Variants in UBOX5 observed in about 807,000 individuals in gnomAD.
UBOX5 encodes the protein U-box domain containing 5, also known as RING finger protein 37.
UBOX5 carries 28 observed loss-of-function variants against 39.0 expected under a neutral mutation model. That is an observed-to-expected ratio of 0.72 (90% CI 0.53 to 0.98). The LOEUF (loss-of-function observed/expected upper bound fraction) is 0.98, where lower values mean the gene tolerates loss of function less well. UBOX5 is among the 50% of genes least tolerant of loss of function. The probability of loss-of-function intolerance (pLI) is 0.00; values close to 1 mark genes in which losing one functional copy is unlikely to be tolerated. For synonymous variants in UBOX5, 283 were observed against 275.5 expected, an observed-to-expected ratio of 1.03 and a Z score of -0.27; for missense variants, 585 against 674.4, an observed-to-expected ratio of 0.87 and a Z score of 1.47.
intron 1 of UBOX5, chr20:3,147,808 T>C: frequency 1.2e-6 from 2 of 1,614,172 alleles, no homozygotes; most frequent in Non-Finnish European, 8.5e-7. Context: ...AGTGTGCCAC[T>C]CTAGGAGGCA....
chr20:3,109,647 G>A lies in UBOX5; in HGVS notation c.*459C>T, dbSNP rs149807651. On this transcript the variant is annotated 3_prime_UTR_variant, in exon 5 of 5. Coordinates refer to ENST00000217173, the MANE Select transcript of UBOX5 (RefSeq NM_014948.4). Reference sequence around the variant, plus strand: ...CATCGCTTTATTAAGGCTGCGAGTCGGGGGGCTGAGTCATGCACTCCACAG... The same window carrying A: ...CATCGCTTTATTAAGGCTGCGAGTCAGGGGGCTGAGTCATGCACTCCACAG... 3 of 183,338 alleles carry A rather than the reference G, an allele frequency of 1.6e-5. No individual in the cohort carries two copies. Among genetic ancestry groups the A allele is most frequent in the Admixed American group, 5.4e-5 (1 of 18,624 alleles). 11.4% of individuals were successfully genotyped at this position (183,338 alleles called of 1,614,324 possible).
chr20:3,145,546 C>G (rs2066553917), intron 1 of UBOX5, among the ~76,000 whole-genome samples: 2 of 151,780 alleles, frequency 1.3e-5, no homozygotes, highest in Non-Finnish European at 2.9e-5. Context: ...CTCAACAGAT[C>G]CTCCCACCCA....
Position 3,134,559 on chromosome 20 carries a change from A to G in UBOX5, c.-41-11153T>C, listed in dbSNP as rs912215475. On this transcript the variant is annotated intron_variant, in intron 1 of 4. Coordinates refer to ENST00000217173, the MANE Select transcript of UBOX5 (RefSeq NM_014948.4). The stretch of plus-strand genomic sequence containing the variant: ...GGTAACAGAGTGAGACCCCATCTGA[A>G]AAAAAAAAAAAAAAAAAAGGCCAGG... Among the ~76,000 whole-genome samples, 96 of 17,668 alleles carry G rather than the reference A, an allele frequency of 5.4e-3. No individual in the cohort carries two copies. In the African/African-American group the frequency reaches 0.077, roughly 14 times the overall value. 11.6% of individuals were successfully genotyped at this position (17,668 alleles called of 152,430 possible). A position where few individuals can be genotyped will look rare whatever the true frequency, so the allele number is the denominator to read the frequency against.
At chr20:3,154,415 C>T (rs1308599719) in intron 1 of UBOX5, among the ~76,000 whole-genome samples, 1 of 152,186 alleles carries the variant, frequency 6.6e-6, no homozygotes, top group Non-Finnish European at 1.5e-5. Context: ...GATGCAATGG[C>T]CCATTCCTGT....
chr20:3,117,276 G>C (rs2066300445), intron 3 of UBOX5, among the ~76,000 whole-genome samples: 1 of 130,024 alleles, frequency 7.7e-6, no homozygotes, highest in Admixed American at 8.9e-5. Context: ...AATGACACCT[G>C]ACCAAAGATG....
chr20:3,118,205 G>A (rs1391838715), intron 3 of UBOX5, among the ~76,000 whole-genome samples: 1 of 151,534 alleles, frequency 6.6e-6, no homozygotes, highest in Non-Finnish European at 1.5e-5. Context: ...GGGCACTATC[G>A]CTCATGCCTG....
chr20:3,131,102 G>A (rs2066425994), intron 1 of UBOX5, among the ~76,000 whole-genome samples: 1 of 152,008 alleles, frequency 6.6e-6, no homozygotes. Flanking sequence ...GGTGGCGTGA[G>A]CCTGTAGCCC....
intron 1 of UBOX5, among the ~76,000 whole-genome samples, chr20:3,152,516 G>A (rs371751329): frequency 1.3e-5 from 2 of 151,798 alleles, no homozygotes; most frequent in African/African-American, 4.8e-5. Flanking sequence ...AAAAAGAAGA[G>A]GAAGACCTAC....
intron 1 of UBOX5, among the ~76,000 whole-genome samples, chr20:3,140,153 C>G (rs2066505953): frequency 6.7e-6 from 1 of 150,286 alleles, no homozygotes; most frequent in African/African-American, 2.4e-5. Flanking sequence ...TCCTGAGTAG[C>G]TGGGATTATA....
intron 1 of UBOX5, among the ~76,000 whole-genome samples, chr20:3,129,320 A>G (rs1482278940): frequency 6.6e-6 from 1 of 152,182 alleles, no homozygotes; most frequent in Non-Finnish European, 1.5e-5. Context: ...CCACACCACT[A>G]TCTGACAGAT....
At chr20:3,152,707 A>T (rs2148625485) in intron 1 of UBOX5, among the ~76,000 whole-genome samples, 1 of 152,258 alleles carries the variant, frequency 6.6e-6, no homozygotes, top group East Asian at 1.9e-4. Flanking sequence ...CAGGAGTTCA[A>T]GACCAGCCTA....
intron 1 of UBOX5, among the ~76,000 whole-genome samples, chr20:3,145,394 A>C (rs889402372): frequency 7.3e-5 from 11 of 151,706 alleles, no homozygotes; most frequent in African/African-American, 2.2e-4. Context: ...AGATCACCCA[A>C]AGTGCTGGGA....
At chr20:3,115,650 G>A (rs1027730317) in intron 3 of UBOX5, among the ~76,000 whole-genome samples, 184 bp from the exon 4 acceptor site, 1 of 152,042 alleles carries the variant, frequency 6.6e-6, no homozygotes. Flanking sequence ...TAGGAACACC[G>A]GCAGTTCCTG....
At chr20:3,116,388 G>C (rs1237880033) in intron 3 of UBOX5, 1 of 152,284 alleles carries the variant, frequency 6.6e-6, no homozygotes, top group Non-Finnish European at 1.5e-5. Context: ...AAAGGGGTAG[G>C]GGGACAGCTG....
chr20:3,132,358 G>A (rs1033559990), intron 1 of UBOX5, among the ~76,000 whole-genome samples: 3 of 151,956 alleles, frequency 2.0e-5, no homozygotes, highest in African/African-American at 7.3e-5. Context: ...ACAGCACAAA[G>A]AATGAACCTT....
intron 3 of UBOX5, chr20:3,116,606 AC>A (rs1350570495): frequency 1.3e-5 from 2 of 152,174 alleles, no homozygotes; most frequent in Middle Eastern, 3.2e-3. Flanking sequence ...AAGTCTAAGG[AC>A]CTTTTTCCTT....
At chr20:3,137,393 T>C (rs749685748) in intron 1 of UBOX5, among the ~76,000 whole-genome samples, 22 of 152,118 alleles carry the variant, frequency 1.4e-4, no homozygotes, top group Non-Finnish European at 8.8e-5. Flanking sequence ...TGATTCTCCT[T>C]GAGTAGCTGA....
At chr20:3,155,265 C>T (rs947566047) in intron 1 of UBOX5, among the ~76,000 whole-genome samples, 1 of 151,976 alleles carries the variant, frequency 6.6e-6, no homozygotes, top group Non-Finnish European at 1.5e-5. Context: ...CACAGCGGCT[C>T]AAGTCTGTAA....
Position 3,149,257 on chromosome 20 carries a change from G to C in UBOX5, c.-42+10509C>G, listed in dbSNP as rs1435466087. On this transcript the variant is annotated intron_variant, in intron 1 of 4. Coordinates refer to ENST00000217173, the MANE Select transcript of UBOX5 (RefSeq NM_014948.4). This position sits in a 1 kb window ranked among gnomAD's most constrained non-coding sequence, Gnocchi z 4.1. ...AATGACTGGGTCAGAATTGGTGCCA[G>C]ATACTGAAAAAAGGGTAGATGAAGA... is the stretch of plus-strand genomic sequence containing the variant. 1.2e-5 allele frequency: 7 copies of C among 591,704 alleles called. No homozygotes were observed. Among genetic ancestry groups the C allele is most frequent in the Non-Finnish European group, 2.1e-5 (7 of 340,630 alleles). 36.7% of individuals were successfully genotyped at this position (591,704 alleles called of 1,614,324 possible).
Sources: gnomAD v4.1 joint callset for allele counts (sites outside exome capture counted in the v4.1 genomes callset) on GRCh38, gnomAD v4.1.1 for gene constraint, Gnocchi (gnomAD v3.1) non-coding constraint, MANE v1.5 for transcripts, NCBI Gene and HGNC (gene_info 2026-07-23, HGNC 2026-07-21) for gene names.